TTN: variants seen among roughly 807,000 people sequenced by gnomAD.
The protein encoded by TTN is titin, also known as connectin.
Under a neutral mutation model 3,223.0 loss-of-function variants are expected in TTN, and 1,525 were observed. The observed-to-expected ratio is 0.47, with a 90% CI of 0.45 to 0.49. TTN has a LOEUF of 0.49. Ranked by LOEUF, TTN falls within the 20% of genes least tolerant of loss-of-function variation. The pLI is 0.00. For synonymous variants in TTN, 14,094 were observed against 15,161.0 expected (o/e 0.93, Z 5.17); for missense variants, 40,786 against 43,424.0 (o/e 0.94, Z 5.40).
In TTN at chr2:178,543,907, A is replaced by G. The variant is rs761789354; in HGVS notation, c.96237T>C (p.Asp32079=). Reference sequence around the variant, plus strand: ...CAGCTTCAATTGTGTATTTTCCAGCATCGTACCGATTAACTTTGTCCACTA... The same window carrying G: ...CAGCTTCAATTGTGTATTTTCCAGCGTCGTACCGATTAACTTTGTCCACTA... The part of the protein sequence containing the change: ...LLIVDKVNRY[D]AGKYTIEAEN... Residue 32079 remains aspartate, a synonymous_variant, in exon 346 of 363, where the codon GAT becomes GAC. Transcript: ENST00000589042. 6.2e-7 allele frequency: 1 copy of G among 1,613,640 alleles called. No homozygotes were observed. The highest frequency in any genetic ancestry group is 1.1e-5 in the South Asian group (1 of 91,066).
intron 213 of TTN, among the ~76,000 whole-genome samples, chr2:178,648,059 A>G (rs1322106355): frequency 6.6e-6 from 1 of 152,116 alleles, no homozygotes; most frequent in African/African-American, 2.4e-5. Context: ...CAACTCTTAA[A>G]GACCTTAAAT....
At chr2:178,684,779 C>A in intron 130 of TTN, 30 bp from the exon 131 acceptor site, 1 of 1,600,658 alleles carries the variant, frequency 6.2e-7, no homozygotes, top group Admixed American at 1.7e-5. Context: ...TACCATCAAA[C>A]ATACGATATG....
Position 178,739,286 on chromosome 2 carries a change from C to T in TTN, c.13947G>A (p.Lys4649=), listed in dbSNP as rs1574063706. ...FENKLVPSDE[K]FKCLQDQNTY... Reference sequence around the variant, plus strand: ...TATTTTGATCTTGTAAACACTTGAACTTTTCATCTGAAGGCACCAGTTTAT... The same window carrying T: ...TATTTTGATCTTGTAAACACTTGAATTTTTCATCTGAAGGCACCAGTTTAT... Residue 4649 remains lysine, a synonymous_variant, in exon 48 of 363, where the codon AAG becomes AAA. Transcript: ENST00000589042. 6.8e-6 allele frequency: 11 copies of T among 1,612,754 alleles called. No individual in the cohort carries two copies. The highest frequency in any genetic ancestry group is 1.1e-5 in the South Asian group (1 of 91,016).
intron 326 of TTN, chr2:178,559,004 CTA>C (rs921549365): frequency 1.9e-4 from 55 of 296,514 alleles, no homozygotes; most frequent in East Asian, 6.6e-4. Flanking sequence ...TACACACATA[CTA>C]TATATATATA....
chr2:178,782,500 A>G, intron 19 of TTN, 39 bp downstream of exon 19: 1 of 1,613,756 alleles, frequency 6.2e-7, no homozygotes, highest in Non-Finnish European at 8.5e-7. Context: ...GAAAGTCAAA[A>G]TGGTACTAGA....
At chr2:178,728,052 T>C in intron 67 of TTN, 58 bp downstream of exon 67, 1 of 1,482,842 alleles carries the variant, frequency 6.7e-7, no homozygotes, top group South Asian at 1.4e-5. Context: ...AAGGCAAGAG[T>C]GATACATTTA....
intron 47 of TTN, chr2:178,750,695 T>C: frequency 1.2e-6 from 2 of 1,612,560 alleles, no homozygotes; most frequent in Admixed American, 3.3e-5. Context: ...CAAATCATCC[T>C]TTTTTATTCT....
Position 178,776,425 on chromosome 2 carries a change from T to C in TTN, c.5439A>G (p.Leu1813=), listed in dbSNP as rs886039124. The change falls in exon 28 of 363, where the codon TTA becomes TTG. Residue 1813 remains leucine (L), a synonymous_variant. Coordinates refer to ENST00000589042, the MANE Select transcript of TTN (RefSeq NM_001267550.2). ...TTCTCTCTAATTCTTCAATTCTCTG[T>C]AAGCCTTTCCTCCCCTCAGGCAATT... ...ESQLPEGRKG[L]QRIEELERMA... 6.2e-7 allele frequency: 1 copy of C among 1,610,760 alleles called. No homozygotes were observed.
rs866478447 is a variant in TTN, at chr2:178,578,977, C to T, written c.68053G>A (p.Asp22685Asn). The change falls in exon 320 of 363, where the codon GAT (aspartate) becomes AAT (asparagine). Residue 22685 changes from aspartate to asparagine, a missense_variant. Asp to Asn is a conservative substitution (Grantham distance 23). Transcript: ENST00000589042. ...EITNYILEKRDSVNNKWVTCA... is the reference protein window; with the variant it reads ...EITNYILEKRNSVNNKWVTCA... ...GTCACCCACTTGTTGTTCACAGAATCCCTCTTCTCTAGGATATAGTTGGTG... is the reference window on the plus strand; with the variant it reads ...GTCACCCACTTGTTGTTCACAGAATTCCTCTTCTCTAGGATATAGTTGGTG... 6.2e-7 allele frequency: 1 copy of T among 1,613,062 alleles called. No homozygotes were observed. Among genetic ancestry groups the T allele is most frequent in the African/African-American group, 1.3e-5 (1 of 74,840 alleles).
Position 178,739,167 on chromosome 2 carries a change from G to A in TTN, c.14066C>T (p.Ser4689Leu), listed in dbSNP as rs772266620. ...TCTTTTTACTACAGTGAGTTTGGCT[G>A]AAGTTGCTGTTTTTCCGCTGTCATT... ...ALNDSGKTAT[S>L]AKLTVVKRAA... Residue 4689 changes from serine (S) to leucine (L), a missense_variant, in exon 48 of 363, where the codon TCA (serine) becomes TTA (leucine). Coordinates refer to ENST00000589042, the MANE Select transcript of TTN (RefSeq NM_001267550.2). 3 of 1,515,114 alleles carry A rather than the reference G, an allele frequency of 2.0e-6. No homozygotes were observed. The East Asian group carries it at 6.8e-5, about 35-fold the overall frequency. 93.9% of individuals were successfully genotyped at this position (1,515,114 alleles called of 1,614,324 possible).
chr2:178,719,638 C>T lies in TTN; in HGVS notation c.23854G>A (p.Glu7952Lys), dbSNP rs752227139. 4.2e-5 allele frequency: 67 copies of T among 1,613,544 alleles called. No individual in the cohort carries two copies. The highest frequency in any genetic ancestry group is 5.0e-5 in the Admixed American group (3 of 59,978). ...CTATATAATCCTTTGTCACTCATTTCGGCACAGGGGATTTTAAGGGAAGCC... is the reference window on the plus strand; with the variant it reads ...CTATATAATCCTTTGTCACTCATTTTGGCACAGGGGATTTTAAGGGAAGCC... Reference protein sequence around the residue: ...KVASLKIPCAEMSDKGLYSFE... With the variant: ...KVASLKIPCAKMSDKGLYSFE... The change falls in exon 82 of 363, where the codon GAA becomes AAA. Residue 7952 changes from glutamate (E) to lysine (K), a missense_variant. Physicochemically the swap from Glu to Lys is moderately conservative, Grantham distance 56. Coordinates refer to ENST00000589042, the MANE Select transcript of TTN (RefSeq NM_001267550.2).
rs2060967115 is a variant in TTN at position 178,639,680 on chromosome 2, A to G, written c.40876+19T>C. ...GTCACCAAAACAAACTAGCAAAAAG[A>G]AAGCTACAGGATAAATACCTGCTTT... On this transcript the variant is annotated intron_variant, in intron 223 of 362. Transcript: ENST00000589042. 1.3e-5 allele frequency: 21 copies of G among 1,610,306 alleles called. No individual in the cohort carries two copies. The highest frequency in any genetic ancestry group is 1.7e-5 in the Non-Finnish European group (20 of 1,177,594).
At position 178,733,141 on chromosome 2, in the gene TTN, G is replaced by C; in HGVS notation, c.16055-20C>G. On this transcript the variant is annotated intron_variant, in intron 54 of 362. Transcript: ENST00000589042. The stretch of plus-strand genomic sequence containing the variant: ...CTCGATCTGTGTGTTGCACAAGAAG[G>C]GAGAAAAGGTCAATATAGAAGAGTG... 6.4e-7 allele frequency: 1 copy of C among 1,568,800 alleles called. No individual in the cohort carries two copies. The highest frequency in any genetic ancestry group is 8.6e-7 in the Non-Finnish European group (1 of 1,156,652).
Position 178,572,426 on chromosome 2 carries a change from A to T in TTN, c.73706T>A (p.Val24569Asp). 6.2e-7 allele frequency: 1 copy of T among 1,612,934 alleles called. No homozygotes were observed. Among genetic ancestry groups the T allele is most frequent in the Non-Finnish European group, 8.5e-7 (1 of 1,179,178 alleles). Reference protein sequence around the residue: ...RESTRKAYSTVATNCHKTSWK... With the variant: ...RESTRKAYSTDATNCHKTSWK... ...GGAAGTCTTGTGGCAGTTTGTTGCA[A>T]CAGTTGAATATGCTTTTCTTGTTGA... Residue 24569 changes from valine (V) to aspartate (D), a missense_variant, in exon 326 of 363, where the codon GTT becomes GAT. Transcript: ENST00000589042.
chr2:178,589,622 C>A lies in TTN; in HGVS notation c.62103G>T (p.Leu20701=), dbSNP rs2154183901. Reference sequence around the variant, plus strand: ...TAAGCCTTCTCTCAACATGATATGACAGATTTGGACTGCCACCATCATAGT... The same window carrying A: ...TAAGCCTTCTCTCAACATGATATGAAAGATTTGGACTGCCACCATCATAGT... ...RPDYDGGSPN[L]SYHVERRLKG... Residue 20701 remains leucine, a synonymous_variant, in exon 304 of 363, where the codon CTG becomes CTT. Coordinates refer to ENST00000589042, the MANE Select transcript of TTN (RefSeq NM_001267550.2). 2 of 1,613,282 alleles carry A rather than the reference C, an allele frequency of 1.2e-6. No individual in the cohort carries two copies. Among genetic ancestry groups the A allele is most frequent in the African/African-American group, 1.3e-5 (1 of 74,998 alleles).
chr2:178,607,351 GAT>G lies in TTN; in HGVS notation c.53288-39_53288-38del, dbSNP rs765438703. ...ACAAAGCCAAAAATCAATGTAATAA[GAT>G]AGTATCACTTGGGAAAATCCTGTGA... On this transcript the variant is annotated intron_variant, in intron 277 of 362. Transcript: ENST00000589042. The G allele has an allele frequency of 4.3e-6, 7 of 1,612,582 alleles. No homozygotes were observed. The South Asian group carries it at 6.6e-5, about 15-fold the overall frequency.
rs1383602491 is a variant in TTN at position 178,609,813 on chromosome 2, T to C, written c.51610A>G (p.Ile17204Val). The C allele has an allele frequency of 1.9e-6, 3 of 1,612,814 alleles. No homozygotes were observed. Among genetic ancestry groups the C allele is most frequent in the Non-Finnish European group, 2.5e-6 (3 of 1,179,268 alleles). ...WKRCNEHLVP[I>V]LTYTAKGLEE... Reference sequence around the variant, plus strand: ...AGTCCTTTTGCTGTATAGGTCAGGATTGGTACCAGGTGTTCATTGCATCTC... The same window carrying C: ...AGTCCTTTTGCTGTATAGGTCAGGACTGGTACCAGGTGTTCATTGCATCTC... Residue 17204 changes from isoleucine (I) to valine (V), a missense_variant, in exon 272 of 363, where the codon ATC becomes GTC. Transcript: ENST00000589042.
intron 47 of TTN, chr2:178,745,084 A>G (rs183967831): frequency 1.0e-6 from 1 of 987,974 alleles, no homozygotes; most frequent in East Asian, 1.1e-4. Context: ...TGTTTTGCCT[A>G]TTCTAAGTCA....
At chr2:178,764,044 T>C (rs1375717495) in intron 43 of TTN, 133 bp downstream of exon 43, 2 of 1,352,372 alleles carry the variant, frequency 1.5e-6, no homozygotes, top group East Asian at 4.7e-5. Context: ...TGAAATAAGT[T>C]TTCTGTTAGA....
Sources: allele counts gnomAD v4.1 joint callset (sites outside exome capture counted in the v4.1 genomes callset), GRCh38; gene constraint gnomAD v4.1.1; transcripts MANE v1.5; gene names NCBI Gene and HGNC (gene_info 2026-07-23, HGNC 2026-07-21).